The following NUP62 variants were observed in gnomAD, a reference collection of about 807,000 sequenced individuals.
NUP62 encodes nucleoporin 62.
For missense variants in NUP62, 647 were observed against 689.4 expected, an observed-to-expected ratio of 0.94 and a Z score of 0.69; for synonymous variants, 305 against 303.4, an observed-to-expected ratio of 1.01 and a Z score of -0.05.
chr19:49,919,299 C>G (rs2075707024), intron 2 of NUP62, among the ~76,000 whole-genome samples: 1 of 152,230 alleles, frequency 6.6e-6, no homozygotes, highest in Admixed American at 6.5e-5. Context: ...TGCTGTTGCA[C>G]ATCTTTGCAG....
chr19:49,919,048 G>A (rs1001068468), intron 2 of NUP62, among the ~76,000 whole-genome samples: 1 of 152,164 alleles, frequency 6.6e-6, no homozygotes, highest in South Asian at 2.1e-4. Flanking sequence ...AGCTACTCGG[G>A]AGGCTGAGGC....
chr19:49,910,221 C>T (rs1190390529), intron 2 of NUP62, among the ~76,000 whole-genome samples: 2 of 152,114 alleles, frequency 1.3e-5, no homozygotes, highest in Non-Finnish European at 2.9e-5. Context: ...GGGACTAGGA[C>T]ACACAAGAAC....
rs736941 is a variant in NUP62 at position 49,921,684 on chromosome 19, T to G, written c.-78+6010A>C. On this transcript the variant is annotated intron_variant, in intron 2 of 2. Transcript: ENST00000352066. This position sits in a 1 kb window ranked among gnomAD's most constrained non-coding sequence, Gnocchi z 5.4. ...TCCATGGGGGGTACCCCTCTGCCCA[T>G]TGAGGGGGCACCTAGGGAGCCTAGG... is the stretch of plus-strand genomic sequence containing the variant. Among the ~76,000 whole-genome samples, 2 of 152,046 alleles carry G rather than the reference T, an allele frequency of 1.3e-5. No individual in the cohort carries two copies. The highest frequency in any genetic ancestry group is 2.9e-5 in the Non-Finnish European group (2 of 67,982).
At chr19:49,916,546 G>A (rs557883974) in intron 2 of NUP62, among the ~76,000 whole-genome samples, 2 of 152,138 alleles carry the variant, frequency 1.3e-5, no homozygotes, top group South Asian at 4.1e-4. Flanking sequence ...GGCCGAGGCG[G>A]GCGGATCACT....
In NUP62 at chr19:49,909,233, G is replaced by A. The variant is rs139206027; in HGVS notation, c.575C>T (p.Pro192Leu). ...PTAPATLPFT[P>L]ATPAATTAGA... Reference sequence around the variant, plus strand: ...TGCTGTGGTGGCTGCTGGCGTGGCCGGAGTGAAGGGCAACGTGGCAGGTGC... The same window carrying A: ...TGCTGTGGTGGCTGCTGGCGTGGCCAGAGTGAAGGGCAACGTGGCAGGTGC... Residue 192 changes from proline (P) to leucine (L), a missense_variant, in exon 3 of 3, where the codon CCG (proline) becomes CTG (leucine). Pro to Leu is a moderately conservative substitution (Grantham distance 98, BLOSUM62 -3). Transcript: ENST00000352066. 9.9e-5 allele frequency: 160 copies of A among 1,614,120 alleles called. No individual in the cohort carries two copies. The African/African-American group carries it at 1.7e-3, about 17-fold the overall frequency.
intron 2 of NUP62, among the ~76,000 whole-genome samples, chr19:49,920,733 G>C (rs996725326): frequency 2.0e-5 from 3 of 152,234 alleles, no homozygotes; most frequent in Non-Finnish European, 4.4e-5. Context: ...GCCTAGAGCT[G>C]AAACGCTCTG....
rs1175321256 is a variant in NUP62 at position 49,925,352 on chromosome 19, G to A, written c.-78+2342C>T. Among the ~76,000 whole-genome samples, 3 of 151,622 alleles carry A rather than the reference G, an allele frequency of 2.0e-5. No homozygotes were observed. The South Asian group carries it at 6.2e-4, about 32-fold the overall frequency. On this transcript the variant is annotated intron_variant, in intron 2 of 2. Coordinates refer to ENST00000352066, the MANE Select transcript of NUP62 (RefSeq NM_016553.5). Reference sequence around the variant, plus strand: ...CTTGTAATCCTAACACTTTGGGAGGGTGAGGCAGGAGGATCGTTTGAGCCC... The same window carrying A: ...CTTGTAATCCTAACACTTTGGGAGGATGAGGCAGGAGGATCGTTTGAGCCC...
At chr19:49,923,420 C>T (rs1015847127) in intron 2 of NUP62, among the ~76,000 whole-genome samples, 8 of 152,168 alleles carry the variant, frequency 5.3e-5, no homozygotes, top group South Asian at 2.1e-4. Context: ...TTGTGGGGAA[C>T]GTTTCTGGGA....
intron 2 of NUP62, 140 bp downstream of exon 2, chr19:49,927,554 C>G (rs2075931620): frequency 6.6e-6 from 1 of 152,186 alleles, no homozygotes; most frequent in Non-Finnish European, 1.5e-5. Flanking sequence ...AACACAGCCC[C>G]TATAGGCCCA....
chr19:49,917,288 G>A (rs1402433180), intron 2 of NUP62, among the ~76,000 whole-genome samples: 1 of 152,208 alleles, frequency 6.6e-6, no homozygotes, highest in Non-Finnish European at 1.5e-5. Flanking sequence ...GGGAACCTCT[G>A]GCCAGGACCA....
At chr19:49,927,583 G>A (rs1372944427) in intron 2 of NUP62, 111 bp downstream of exon 2, 2 of 152,188 alleles carry the variant, frequency 1.3e-5, no homozygotes, top group East Asian at 1.9e-4. Context: ...TAGGGCAAGT[G>A]CTCAAAAACT....
chr19:49,918,899 G>C (rs1390380008), intron 2 of NUP62, among the ~76,000 whole-genome samples: 6 of 129,638 alleles, frequency 4.6e-5, no homozygotes, highest in Admixed American at 7.5e-5. Context: ...GGAGGCTGGG[G>C]GGGGGGGGGC....
At chr19:49,911,996 C>A (rs947565364) in intron 2 of NUP62, among the ~76,000 whole-genome samples, 1 of 152,196 alleles carries the variant, frequency 6.6e-6, no homozygotes, top group African/African-American at 2.4e-5. Context: ...ATCTGAGCAG[C>A]TACACCTACA....
At chr19:49,915,248 C>T (rs2075594779) in intron 2 of NUP62, among the ~76,000 whole-genome samples, 1 of 152,142 alleles carries the variant, frequency 6.6e-6, no homozygotes, top group Admixed American at 6.5e-5. Context: ...AGGGACTTTG[C>T]AGATGTGATG....
chr19:49,919,316 G>A (rs1210755788), intron 2 of NUP62, among the ~76,000 whole-genome samples: 2 of 152,204 alleles, frequency 1.3e-5, no homozygotes, highest in Non-Finnish European at 2.9e-5. Flanking sequence ...GCAGAGACTT[G>A]CTGTGCGTTT....
Position 49,908,472 on chromosome 19 carries a change from G to A in NUP62, c.1336C>T (p.Arg446Cys), listed in dbSNP as rs1209237624. 3.1e-6 allele frequency: 5 copies of A among 1,614,030 alleles called. No individual in the cohort carries two copies. Among genetic ancestry groups the A allele is most frequent in the East Asian group, 2.2e-5 (1 of 44,896 alleles). Residue 446 changes from arginine to cysteine, a missense_variant, in exon 3 of 3, where the codon CGC becomes TGC. Coordinates refer to ENST00000352066, the MANE Select transcript of NUP62 (RefSeq NM_016553.5). ...ATGTCCTTGAGATCCTGGGCCATGCGCTTGAGCTGTGCATCGATGTTCTCA... is the reference window on the plus strand; with the variant it reads ...ATGTCCTTGAGATCCTGGGCCATGCACTTGAGCTGTGCATCGATGTTCTCA... ...LAENIDAQLK[R>C]MAQDLKDIIE...
intron 2 of NUP62, among the ~76,000 whole-genome samples, chr19:49,919,322 C>A (rs1222182768): frequency 6.6e-6 from 1 of 152,206 alleles, no homozygotes; most frequent in Non-Finnish European, 1.5e-5. Flanking sequence ...ACTTGCTGTG[C>A]GTTTAAACAA....
chr19:49,928,434 G>C (rs984114542), intron 1 of NUP62: 1 of 151,808 alleles, frequency 6.6e-6, no homozygotes, highest in African/African-American at 2.4e-5. Flanking sequence ...GGAGAATGGC[G>C]TGAACCTGGG....
intron 2 of NUP62, chr19:49,911,459 C>T (rs898618333): frequency 3.3e-5 from 5 of 151,996 alleles, no homozygotes; most frequent in African/African-American, 1.2e-4. Context: ...TTTCCTCTTC[C>T]CTCTCTCCAG....
Sources: allele counts gnomAD v4.1 joint callset (sites outside exome capture counted in the v4.1 genomes callset), GRCh38; gene constraint gnomAD v4.1.1; non-coding constraint Gnocchi (gnomAD v3.1); transcripts MANE v1.5; gene names NCBI Gene and HGNC (gene_info 2026-07-23, HGNC 2026-07-21).